The following SYNE1 variants were observed in gnomAD, a reference collection of about 807,000 sequenced individuals.
SYNE1 encodes nesprin-1.
A neutral mutation model predicts 1,111.0 loss-of-function variants in SYNE1; 616 were observed. The observed-to-expected ratio is 0.55, with a 90% CI of 0.52 to 0.59. The LOEUF (loss-of-function observed/expected upper bound fraction) is 0.59. Among genes scored for constraint, SYNE1 ranks in the 20% least tolerant of loss-of-function variants. SYNE1 has a pLI of 0.00. For synonymous variants in SYNE1, 3,855 were observed against 3,825.8 expected, an observed-to-expected ratio of 1.01 and a Z score of -0.28; for missense variants, 10,006 against 10,417.0, an observed-to-expected ratio of 0.96 and a Z score of 1.72.
intron 145 of SYNE1, chr6:152,127,486 C>G (rs1199039380): frequency 6.6e-6 from 1 of 152,172 alleles, no homozygotes; most frequent in East Asian, 1.9e-4. Flanking sequence ...TGTGCCGACT[C>G]ATACCCTTAG....
At chr6:152,180,795 G>A (rs188018254) in intron 128 of SYNE1, among the ~76,000 whole-genome samples, 36 of 152,282 alleles carry the variant, frequency 2.4e-4, no homozygotes, top group African/African-American at 6.0e-4. Context: ...GAGGAAGCGG[G>A]CAGCATCCAA....
At position 152,537,391 on chromosome 6, in the gene SYNE1, G is replaced by A. The variant is rs2099248530; in HGVS notation, c.129+2569C>T. ...AAAACACAAACACAGAAAATCCTTA[G>A]GTTTTTTTCTTACTTATAATAAGAT... On this transcript the variant is annotated intron_variant, in intron 4 of 145. Coordinates refer to ENST00000367255, the MANE Select transcript of SYNE1 (RefSeq NM_182961.4). Among the ~76,000 whole-genome samples the A allele has an allele frequency of 2.6e-5, 4 of 151,520 alleles. 1 individual carries two copies. In the South Asian group the frequency reaches 8.3e-4, roughly 31 times the overall value.
intron 127 of SYNE1, among the ~76,000 whole-genome samples, chr6:152,193,654 A>C: frequency 6.6e-6 from 1 of 152,090 alleles, no homozygotes; most frequent in Admixed American, 6.6e-5. Context: ...ATACTTGTCT[A>C]TATATTGAAA....
intron 127 of SYNE1, among the ~76,000 whole-genome samples, chr6:152,189,703 C>A (rs908524804): frequency 6.6e-6 from 1 of 152,060 alleles, no homozygotes; most frequent in Non-Finnish European, 1.5e-5. Context: ...CTAAAAAAAC[C>A]AATGTACATA....
chr6:152,169,426 G>A (rs2064539323), intron 130 of SYNE1, among the ~76,000 whole-genome samples: 1 of 151,616 alleles, frequency 6.6e-6, no homozygotes, highest in Admixed American at 6.6e-5. Context: ...GCTGGGCGTG[G>A]TGGCGGGCAC....
chr6:152,176,912 T>G (rs2066596320), intron 129 of SYNE1, among the ~76,000 whole-genome samples: 1 of 152,128 alleles, frequency 6.6e-6, no homozygotes, highest in Admixed American at 6.5e-5. Flanking sequence ...ATCACTAACC[T>G]GATGTTATAC....
At chr6:152,220,590 A>G (rs1253386880) in intron 119 of SYNE1, among the ~76,000 whole-genome samples, 2 of 152,216 alleles carry the variant, frequency 1.3e-5, no homozygotes, top group Non-Finnish European at 2.9e-5. Flanking sequence ...AATCTTTCAC[A>G]TTGACTAAAT....
intron 80 of SYNE1, among the ~76,000 whole-genome samples, chr6:152,325,622 C>T (rs1324418698): frequency 1.3e-5 from 2 of 152,126 alleles, no homozygotes; most frequent in African/African-American, 4.8e-5. Context: ...TAGTATGTTA[C>T]ATTTTTTCCT....
Position 152,308,474 on chromosome 6 carries a change from C to G in SYNE1, c.17346+15G>C, listed in dbSNP as rs748341052. 8.1e-6 allele frequency: 13 copies of G among 1,613,930 alleles called. No individual in the cohort carries two copies. The highest frequency in any genetic ancestry group is 3.3e-5 in the South Asian group (3 of 91,074). On this transcript the variant is annotated intron_variant, in intron 91 of 145. Coordinates refer to ENST00000367255, the MANE Select transcript of SYNE1 (RefSeq NM_182961.4). ...CAGTTTCCTGCCCTCGGTATTTCGC[C>G]TACATTCCTCTCACCTCATGCCGAG...
rs146528489 is a variant in SYNE1 at position 152,374,690 on chromosome 6, C to T, written c.9325-1471G>A. ...TCAGGAGGCTGAGGCAGGAGGATTG[C>T]TTGAACGTGGGAGGCAGAGGTTGCA... On this transcript the variant is annotated intron_variant, in intron 58 of 145. Transcript: ENST00000367255. 2.2e-4 allele frequency among the ~76,000 whole-genome samples: 33 copies of T among 152,136 alleles called. No individual in the cohort carries two copies. In the East Asian group the frequency reaches 5.6e-3, roughly 26 times the overall value.
chr6:152,142,260 T>C (rs1044309198), intron 138 of SYNE1, among the ~76,000 whole-genome samples: 3 of 152,168 alleles, frequency 2.0e-5, no homozygotes, highest in African/African-American at 7.2e-5. Flanking sequence ...AATTTAAAAC[T>C]CGGAGCCCTC....
intron 44 of SYNE1, among the ~76,000 whole-genome samples, chr6:152,407,762 CTTTT>C (rs34322784): frequency 1.6e-5 from 2 of 123,978 alleles, no homozygotes; most frequent in Admixed American, 8.2e-5. Flanking sequence ...AAAGAATGTT[CTTTT>C]TTTTTTTTTT....
chr6:152,182,822 A>G (rs899845952), intron 128 of SYNE1, among the ~76,000 whole-genome samples: 1 of 152,190 alleles, frequency 6.6e-6, no homozygotes, highest in African/African-American at 2.4e-5. Context: ...TTGAAAGGCC[A>G]CCATGAGAAA....
chr6:152,500,034 A>G (rs1207962408), intron 10 of SYNE1, among the ~76,000 whole-genome samples: 2 of 152,170 alleles, frequency 1.3e-5, no homozygotes, highest in Admixed American at 1.3e-4. Flanking sequence ...GTTTTTTTAG[A>G]TGCTTCCAGC....
At chr6:152,595,885 G>A (rs2099579667) in intron 3 of SYNE1, among the ~76,000 whole-genome samples, 1 of 151,988 alleles carries the variant, frequency 6.6e-6, no homozygotes, top group Admixed American at 6.6e-5. Context: ...ATGCTATTAT[G>A]TTTCAAATAT....
At chr6:152,381,443 A>C in intron 55 of SYNE1, 81 bp from the exon 56 acceptor site, 10 of 1,410,436 alleles carry the variant, frequency 7.1e-6, no homozygotes, top group African/African-American at 1.4e-5. Context: ...ACACAGGGGG[A>C]CCCTGTCCTG....
At chr6:152,233,708 A>G in intron 112 of SYNE1, 73 bp downstream of exon 112, 2 of 1,577,630 alleles carry the variant, frequency 1.3e-6, no homozygotes, top group South Asian at 1.1e-5. Context: ...TGTGAGCAAA[A>G]GCAAATTAAT....
rs777943341 is a variant in SYNE1, at chr6:152,167,797, G to T, written c.23628-3472C>A. The T allele has an allele frequency of 2.6e-5, 15 of 582,998 alleles. No individual in the cohort carries two copies. In the African/African-American group the frequency reaches 2.6e-4, roughly 10 times the overall value. 36.1% of individuals were successfully genotyped at this position (582,998 alleles called of 1,614,324 possible). ...GACTAACTGAGTCTTTTTCTGGATC[G>T]CTTTCCTGTGTCTCAGCCTCTCTAC... On this transcript the variant is annotated intron_variant, in intron 130 of 145. Coordinates refer to ENST00000367255, the MANE Select transcript of SYNE1 (RefSeq NM_182961.4).
intron 100 of SYNE1, among the ~76,000 whole-genome samples, chr6:152,264,681 T>C (rs1443480775): frequency 6.6e-6 from 1 of 152,026 alleles, no homozygotes; most frequent in African/African-American, 2.4e-5. Flanking sequence ...ATGCCGGTAG[T>C]CCCAGCTACT....
Sources: allele counts gnomAD v4.1 joint callset (sites outside exome capture counted in the v4.1 genomes callset), GRCh38; gene constraint gnomAD v4.1.1; transcripts MANE v1.5; gene names NCBI Gene and HGNC (gene_info 2026-07-23, HGNC 2026-07-21).